The following CDC42SE2 variants were observed in gnomAD, a reference collection of about 807,000 sequenced individuals.
CDC42SE2 encodes CDC42 small effector 2.
In CDC42SE2, 3 loss-of-function variants were observed where a neutral mutation model predicts 11.5. That is an observed-to-expected ratio of 0.26 (90% CI 0.12 to 0.67). The LOEUF (loss-of-function observed/expected upper bound fraction) is 0.67. CDC42SE2 is among the 30% of genes least tolerant of loss of function. The pLI is 0.80. For synonymous variants in CDC42SE2, 33 were observed against 34.8 expected (o/e 0.95, Z 0.18); for missense variants, 82 against 106.8 (o/e 0.77, Z 1.02).
chr5:131,227,074 A>G, the CDC42SE2 span, among the ~76,000 whole-genome samples: 1 of 152,322 alleles, frequency 6.6e-6, no homozygotes, highest in East Asian at 1.9e-4. Context: ...CAGAGGGAAC[A>G]CCATCACATC....
At chr5:131,332,042 G>C (rs1758428956) in intron 2 of CDC42SE2, among the ~76,000 whole-genome samples, 1 of 152,130 alleles carries the variant, frequency 6.6e-6, no homozygotes, top group African/African-American at 2.4e-5. Context: ...ATGTATACAT[G>C]TGCTGTGTTG....
rs1235186020 is a variant in CDC42SE2, at chr5:131,359,519, ACTG to A, written c.30_32del (p.Cys11del). 1 of 1,613,446 alleles carries A rather than the reference ACTG, an allele frequency of 6.2e-7. No homozygotes were observed. Among genetic ancestry groups the A allele is most frequent in the Non-Finnish European group, 8.5e-7 (1 of 1,179,404 alleles). On this transcript the variant is annotated inframe_deletion, in exon 3 of 5. Transcript: ENST00000505065. The stretch of plus-strand genomic sequence containing the variant: ...ATGAGTGAATTCTGGTTGTGTTTCA[ACTG>A]CTGTATTGCAGAACAGCCTCAGCCT...
At chr5:131,260,577 A>G (rs1185046511), upstream of CDC42SE2, among the ~76,000 whole-genome samples, 2 of 149,578 alleles carry the variant, frequency 1.3e-5, no homozygotes, top group Non-Finnish European at 3.0e-5. Flanking sequence ...GTGAGCCAAG[A>G]TTGCACCACT....
At chr5:131,354,497 T>C (rs1239169121) in intron 2 of CDC42SE2, among the ~76,000 whole-genome samples, 1 of 152,208 alleles carries the variant, frequency 6.6e-6, no homozygotes, top group Non-Finnish European at 1.5e-5. Context: ...TAGTTTAAAT[T>C]GTTTTTGAAA....
intron 1 of CDC42SE2, among the ~76,000 whole-genome samples, chr5:131,254,310 C>T (rs936468830): frequency 6.6e-6 from 1 of 152,064 alleles, no homozygotes; most frequent in East Asian, 1.9e-4. Context: ...GGGAGCCTGA[C>T]GCGGGTGGAT....
intron 1 of CDC42SE2, among the ~76,000 whole-genome samples, chr5:131,283,380 T>A (rs1757278159): frequency 6.6e-6 from 1 of 152,246 alleles, no homozygotes; most frequent in Non-Finnish European, 1.5e-5. Context: ...TAGATTTGCC[T>A]CTTTGGACAT....
intron 3 of CDC42SE2, among the ~76,000 whole-genome samples, chr5:131,367,560 A>AT: frequency 6.6e-6 from 1 of 152,072 alleles, no homozygotes; most frequent in East Asian, 1.9e-4. Flanking sequence ...ATTTCATGGT[A>AT]TTGTTCTTTT....
upstream of CDC42SE2, among the ~76,000 whole-genome samples, chr5:131,262,800 GT>G (rs199640020): frequency 6.6e-6 from 1 of 151,728 alleles, no homozygotes. Flanking sequence ...AAATTGTTGT[GT>G]TTTTTTTCCC....
upstream of CDC42SE2, chr5:131,245,411 A>G (rs1756572818): frequency 6.6e-6 from 1 of 152,178 alleles, no homozygotes; most frequent in Non-Finnish European, 1.5e-5. Context: ...GCCTGTTCTT[A>G]CCAAGATTGT....
At chr5:131,287,648 T>G (rs1413442128) in intron 1 of CDC42SE2, among the ~76,000 whole-genome samples, 1 of 151,486 alleles carries the variant, frequency 6.6e-6, no homozygotes, top group Non-Finnish European at 1.5e-5. Context: ...TTTTTTTGCA[T>G]TTTTTTGTAG....
chr5:131,337,070 T>C (rs1476891011), intron 2 of CDC42SE2, among the ~76,000 whole-genome samples: 1 of 152,224 alleles, frequency 6.6e-6, no homozygotes, highest in Non-Finnish European at 1.5e-5. Flanking sequence ...CCGGTTTTTC[T>C]GCTCTGTTTT....
intron 1 of CDC42SE2, among the ~76,000 whole-genome samples, chr5:131,287,409 T>C (rs189154565): frequency 1.6e-3 from 247 of 152,334 alleles, no homozygotes; most frequent in Non-Finnish European, 2.5e-3. Context: ...ATTTTCATAA[T>C]GTGTCAGTTG....
chr5:131,354,272 A>G (rs1039357540), intron 2 of CDC42SE2, among the ~76,000 whole-genome samples: 2 of 152,118 alleles, frequency 1.3e-5, no homozygotes, highest in African/African-American at 4.8e-5. Flanking sequence ...TGCATAGTGG[A>G]TACATGTATT....
chr5:131,303,616 T>C (rs967812527), intron 1 of CDC42SE2, among the ~76,000 whole-genome samples: 1 of 152,192 alleles, frequency 6.6e-6, no homozygotes, highest in African/African-American at 2.4e-5. Flanking sequence ...CATCTATCAG[T>C]AGGACTTTTG....
At chr5:131,225,106 T>C in the CDC42SE2 span, among the ~76,000 whole-genome samples, 1 of 152,228 alleles carries the variant, frequency 6.6e-6, no homozygotes, top group Admixed American at 6.5e-5. Flanking sequence ...AGCAGCCTGG[T>C]TGAAATCGAA....
chr5:131,271,494 A>G (rs1756994543), intron 1 of CDC42SE2, among the ~76,000 whole-genome samples: 1 of 152,216 alleles, frequency 6.6e-6, no homozygotes. Flanking sequence ...TTTAAAGTAT[A>G]CAGGTGGATG....
At chr5:131,339,195 C>T (rs1348959844) in intron 2 of CDC42SE2, among the ~76,000 whole-genome samples, 1 of 126,428 alleles carries the variant, frequency 7.9e-6, no homozygotes, top group Non-Finnish European at 1.6e-5. Context: ...TTGCAGTGAG[C>T]TGAGATCGCA....
intron 1 of CDC42SE2, among the ~76,000 whole-genome samples, chr5:131,278,892 C>T: frequency 7.0e-6 from 1 of 142,344 alleles, no homozygotes. Context: ...TCAAGTGATT[C>T]TCCTGCCTCA....
the CDC42SE2 span, among the ~76,000 whole-genome samples, chr5:131,220,363 G>T: frequency 1.3e-5 from 2 of 151,840 alleles, no homozygotes; most frequent in Non-Finnish European, 2.9e-5. Context: ...CTGCCACCAG[G>T]CCCGGCTAAT....
Sources: allele counts gnomAD v4.1 joint callset (sites outside exome capture counted in the v4.1 genomes callset), GRCh38; gene constraint gnomAD v4.1.1; transcripts MANE v1.5; gene names NCBI Gene and HGNC (gene_info 2026-07-23, HGNC 2026-07-21).